Variants in SLC6A3 observed in about 807,000 individuals in gnomAD.
SLC6A3 encodes the protein solute carrier family 6 member 3.
Under a neutral mutation model 70.4 loss-of-function variants are expected in SLC6A3, and 19 were observed. That is an observed-to-expected ratio of 0.27 (90% CI 0.19 to 0.40). The LOEUF is 0.40. Among genes scored for constraint, SLC6A3 ranks in the 10% least tolerant of loss-of-function variants. The probability of loss-of-function intolerance (pLI) is 1.00; values close to 1 mark genes in which losing one functional copy is unlikely to be tolerated. For synonymous variants in SLC6A3, 368 were observed against 356.6 expected, an observed-to-expected ratio of 1.03 and a Z score of -0.36; for missense variants, 613 against 838.5, an observed-to-expected ratio of 0.73 and a Z score of 3.32.
In SLC6A3 at chr5:1,424,621, G is replaced by A. The variant is rs141023486; in HGVS notation, c.654-2607C>T. Among the ~76,000 whole-genome samples the A allele has an allele frequency of 4.6e-5, 7 of 152,348 alleles. No individual in the cohort carries two copies. The East Asian group carries it at 1.3e-3, about 29-fold the overall frequency. On this transcript the variant is annotated intron_variant, in intron 4 of 14. Coordinates refer to ENST00000270349, the MANE Select transcript of SLC6A3 (RefSeq NM_001044.5). ...TGGAGAAAAGGCAAACTCAGTCAAT[G>A]CCCATACATGGCACAGGCCCTCCTG...
intron 14 of SLC6A3, among the ~76,000 whole-genome samples, chr5:1,398,424 T>G (rs910538839): frequency 5.5e-5 from 8 of 145,702 alleles, no homozygotes; most frequent in Non-Finnish European, 1.2e-4. Flanking sequence ...ATAAACGGAA[T>G]AATAAAAATG....
In SLC6A3 at chr5:1,402,946, G is replaced by A. The variant is rs1233579142; in HGVS notation, c.1743C>T (p.Cys581=). The change falls in exon 13 of 15, where the codon TGC becomes TGT. Residue 581 remains cysteine (C), a synonymous_variant. Transcript: ENST00000270349. This position sits in a 1 kb window ranked among gnomAD's most constrained non-coding sequence, Gnocchi z 8.5. ...MVPIYAAYKF[C]SLPGSFREKL... ...CCTCTCGAAAGGACCCAGGCAGGCT[G>A]CAGAACTTGTAGGCCGCATAGATGG... 2.5e-6 allele frequency: 4 copies of A among 1,613,926 alleles called. No individual in the cohort carries two copies. The highest frequency in any genetic ancestry group is 3.4e-6 in the Non-Finnish European group (4 of 1,180,012).
intron 14 of SLC6A3, 90 bp downstream of exon 14, chr5:1,400,825 A>G (rs1755831473): frequency 2.1e-6 from 2 of 967,158 alleles, no homozygotes; most frequent in Non-Finnish European, 3.3e-6. Flanking sequence ...CATCTACACC[A>G]GCCTCGGAGC....
intron 8 of SLC6A3, among the ~76,000 whole-genome samples, chr5:1,412,980 A>G (rs1053964530): frequency 2.6e-5 from 4 of 152,212 alleles, no homozygotes; most frequent in Non-Finnish European, 5.9e-5. Flanking sequence ...GCCTGGGAAG[A>G]TATTCATCAG....
rs2270914 is a variant in SLC6A3, at chr5:1,442,864, C to T, written c.286+48G>A. On this transcript the variant is annotated intron_variant, in intron 2 of 14. Transcript: ENST00000270349. The surrounding 1 kb of genome is among the most constrained non-coding windows in gnomAD (Gnocchi z 5.0). ...CGTGCCTTGGCCCCGGCTGCCCCTACGACCCCCGCCCGGCCAGCATGCTCA... is the reference window on the plus strand; with the variant it reads ...CGTGCCTTGGCCCCGGCTGCCCCTATGACCCCCGCCCGGCCAGCATGCTCA... The T allele has an allele frequency of 0.23, 374,553 of 1,604,950 alleles. 45,462 individuals carry two copies. The highest frequency in any genetic ancestry group is 0.28 in the African/African-American group (21,154 of 74,738).
chr5:1,407,021 G>A (rs1288732986), intron 11 of SLC6A3, among the ~76,000 whole-genome samples: 1 of 152,198 alleles, frequency 6.6e-6, no homozygotes, highest in Non-Finnish European at 1.5e-5. Context: ...TACCGTCACT[G>A]TGTCTTCAGA....
Position 1,428,365 on chromosome 5 carries a change from T to C in SLC6A3, c.653+4099A>G, listed in dbSNP as rs115934339. ...ATGCAGTCCATTTGAGGCAAATTAA[T>C]AGCTTTAATTTATAACTTTATAATT... On this transcript the variant is annotated intron_variant, in intron 4 of 14. Transcript: ENST00000270349. Among the ~76,000 whole-genome samples, 784 of 152,314 alleles carry C rather than the reference T, an allele frequency of 5.1e-3. 12 individuals are homozygous for C. The highest frequency in any genetic ancestry group is 0.018 in the African/African-American group (732 of 41,564).
chr5:1,414,620 A>G, intron 8 of SLC6A3, 71 bp downstream of exon 8: 2 of 1,562,146 alleles, frequency 1.3e-6, no homozygotes, highest in South Asian at 1.1e-5. Context: ...TTTCACAAGG[A>G]AAAAGGCTTT....
At position 1,406,144 on chromosome 5, in the gene SLC6A3, C is replaced by T; in HGVS notation, c.1599+44G>A. On this transcript the variant is annotated intron_variant, in intron 12 of 14. Coordinates refer to ENST00000270349, the MANE Select transcript of SLC6A3 (RefSeq NM_001044.5). The surrounding 1 kb of genome is among the most constrained non-coding windows in gnomAD (Gnocchi z 8.8). ...CTCGGGGCAGGTGCCAGAGTGGGGG[C>T]AGTGGGCAGACGGGGGAAGGGCAGG... 7.1e-7 allele frequency: 1 copy of T among 1,404,460 alleles called. No homozygotes were observed. The highest frequency in any genetic ancestry group is 1.1e-5 in the South Asian group (1 of 87,096). 87.0% of individuals were successfully genotyped at this position (1,404,460 alleles called of 1,614,324 possible). A position where few individuals can be genotyped will look rare whatever the true frequency, so the allele number is the denominator to read the frequency against.
chr5:1,440,343 A>AATGG (rs577017974), intron 3 of SLC6A3, among the ~76,000 whole-genome samples: 67 of 151,740 alleles, frequency 4.4e-4, no homozygotes, highest in African/African-American at 1.2e-3. Flanking sequence ...ATCAATAGAT[A>AATGG]ATGGATGGAT....
Position 1,442,874 on chromosome 5 carries a change from CCGG to C in SLC6A3, c.286+35_286+37del. 1 of 1,612,570 alleles carries C rather than the reference CCGG, an allele frequency of 6.2e-7. No homozygotes were observed. On this transcript the variant is annotated intron_variant, in intron 2 of 14. Coordinates refer to ENST00000270349, the MANE Select transcript of SLC6A3 (RefSeq NM_001044.5). This position sits in a 1 kb window ranked among gnomAD's most constrained non-coding sequence, Gnocchi z 5.0. Reference sequence around the variant, plus strand: ...CCCCGGCTGCCCCTACGACCCCCGCCCGGCCAGCATGCTCAGGGAGGCTGAGAT... The same window carrying C: ...CCCCGGCTGCCCCTACGACCCCCGCCCCAGCATGCTCAGGGAGGCTGAGAT...
chr5:1,394,962 C>T lies in SLC6A3; in HGVS notation c.1840-204G>A, dbSNP rs40184. Among the ~76,000 whole-genome samples, 68,312 of 152,138 alleles carry T rather than the reference C, an allele frequency of 0.45. 15,566 individuals are homozygous for T. The highest frequency in any genetic ancestry group is 0.55 in the Middle Eastern group (162 of 294). ...GGGGATCCGATGCCTCACTCAAACT[C>T]CTACAAATCAATCATTACTTGATTT... On this transcript the variant is annotated intron_variant, in intron 14 of 14. Coordinates refer to ENST00000270349, the MANE Select transcript of SLC6A3 (RefSeq NM_001044.5). The surrounding 1 kb of genome is among the most constrained non-coding windows in gnomAD (Gnocchi z 4.7).
Position 1,401,157 on chromosome 5 carries a change from T to TA in SLC6A3, c.1768-172dup. 1.4e-6 allele frequency: 1 copy of TA among 703,800 alleles called. No individual in the cohort carries two copies. Among genetic ancestry groups the TA allele is most frequent in the Non-Finnish European group, 2.6e-6 (1 of 386,102 alleles). The allele number at this position is 703,800 out of a possible 1,614,324, so 43.6% of individuals were successfully genotyped here. A position where few individuals can be genotyped will look rare whatever the true frequency, so the allele number is the denominator to read the frequency against. On this transcript the variant is annotated intron_variant, in intron 13 of 14. Coordinates refer to ENST00000270349, the MANE Select transcript of SLC6A3 (RefSeq NM_001044.5). This position sits in a 1 kb window ranked among gnomAD's most constrained non-coding sequence, Gnocchi z 6.1. The stretch of plus-strand genomic sequence containing the variant: ...ATATCACCAGCGCCCACCACTGACT[T>TA]ACACTGCCAGTGCCCATGCCGACCA...
In SLC6A3 at chr5:1,427,157, T is replaced by A. The variant is rs372519056; in HGVS notation, c.654-5143A>T. Among the ~76,000 whole-genome samples, 206 of 152,386 alleles carry A rather than the reference T, an allele frequency of 1.4e-3. 8 individuals are homozygous for A. The South Asian group carries it at 0.041, about 30-fold the overall frequency. ...ATGCAGGTAAATATAAAACATTTCT[T>A]TGTTAGATTTATTTAAAATGTAAAT... is the stretch of plus-strand genomic sequence containing the variant. On this transcript the variant is annotated intron_variant, in intron 4 of 14. Coordinates refer to ENST00000270349, the MANE Select transcript of SLC6A3 (RefSeq NM_001044.5).
At position 1,398,172 on chromosome 5, in the gene SLC6A3, C is replaced by G. The variant is rs140932086; in HGVS notation, c.1839+2743G>C. ...GATCAGGAGTTCGAGACCAGCCTGG[C>G]CAACATGGTCAAACCCTGTCTCTAC... On this transcript the variant is annotated intron_variant, in intron 14 of 14. Transcript: ENST00000270349. Among the ~76,000 whole-genome samples, 65 of 152,088 alleles carry G rather than the reference C, an allele frequency of 4.3e-4. No individual in the cohort carries two copies. In the East Asian group the frequency reaches 0.011, roughly 25 times the overall value.
Position 1,428,555 on chromosome 5 carries a change from T to C in SLC6A3, c.653+3909A>G, listed in dbSNP as rs144022616. ...GGTTCCTACAAGGAAGGGTTCCTTT[T>C]ATTTCTCTCCAGGAACCATTTCTGC... On this transcript the variant is annotated intron_variant, in intron 4 of 14. Transcript: ENST00000270349. 1.4e-3 allele frequency among the ~76,000 whole-genome samples: 212 copies of C among 152,344 alleles called. 8 individuals are homozygous for C. The South Asian group carries it at 0.04, about 29-fold the overall frequency.
intron 6 of SLC6A3, among the ~76,000 whole-genome samples, chr5:1,419,323 T>TCATCCATCCATCCATCCATCCATCCATC (rs59372317): frequency 7.0e-6 from 1 of 142,856 alleles, no homozygotes; most frequent in East Asian, 2.2e-4. Context: ...TACCTAGCAT[T>TCATCCATCCATCCATCCATCCATCCATC]CATCCATCCA....
At chr5:1,419,388 C>T (rs1351491561) in intron 6 of SLC6A3, among the ~76,000 whole-genome samples, 1 of 151,604 alleles carries the variant, frequency 6.6e-6, no homozygotes, top group Non-Finnish European at 1.5e-5. Flanking sequence ...ACTGTCTCCA[C>T]CTAATTTCTG....
intron 1 of SLC6A3, among the ~76,000 whole-genome samples, chr5:1,444,236 C>T (rs1272239433): frequency 6.6e-6 from 1 of 152,144 alleles, no homozygotes; most frequent in Non-Finnish European, 1.5e-5. Flanking sequence ...CCTGTCCAAA[C>T]GGCTACATAA....
Sources: allele counts gnomAD v4.1 joint callset (sites outside exome capture counted in the v4.1 genomes callset), GRCh38; gene constraint gnomAD v4.1.1; non-coding constraint Gnocchi (gnomAD v3.1); transcripts MANE v1.5; gene names NCBI Gene and HGNC (gene_info 2026-07-23, HGNC 2026-07-21).